The following PRDM1 variants were observed in gnomAD, a reference collection of about 807,000 sequenced individuals.
The protein encoded by PRDM1 is PR/SET domain 1.
In PRDM1, 13 loss-of-function variants were observed where a neutral mutation model predicts 62.8. The ratio of observed to expected loss-of-function variants is 0.21; its 90% CI spans 0.13 to 0.33. The LOEUF (loss-of-function observed/expected upper bound fraction) is 0.33. PRDM1 is among the 10% of genes least tolerant of loss of function. The pLI is 1.00. For missense variants in PRDM1, 895 were observed against 1,058.8 expected, an observed-to-expected ratio of 0.85 and a Z score of 2.15; for synonymous variants, 396 against 417.6, an observed-to-expected ratio of 0.95 and a Z score of 0.63.
intron 1 of PRDM1, among the ~76,000 whole-genome samples, chr6:106,058,895 T>G (rs1773303927): frequency 6.6e-6 from 1 of 152,196 alleles, no homozygotes; most frequent in Non-Finnish European, 1.5e-5. Flanking sequence ...TAACTTCATC[T>G]TCATAATGTC....
chr6:106,063,764 C>T (rs2114594910), intron 1 of PRDM1, among the ~76,000 whole-genome samples: 1 of 152,282 alleles, frequency 6.6e-6, no homozygotes. Flanking sequence ...AGAAATGTGT[C>T]AAGAAGCTTT....
chr6:106,008,233 C>T (rs914436401), intron 1 of PRDM1, among the ~76,000 whole-genome samples: 1 of 152,066 alleles, frequency 6.6e-6, no homozygotes, highest in South Asian at 2.1e-4. Context: ...ATTAGCTGGG[C>T]GTGGTGGCGC....
At chr6:106,065,125 C>A (rs954083933) in intron 1 of PRDM1, among the ~76,000 whole-genome samples, 11 of 151,944 alleles carry the variant, frequency 7.2e-5, no homozygotes, top group Admixed American at 2.0e-4. Context: ...TTTTGTTGAT[C>A]TTATGTATTT....
intron 1 of PRDM1, among the ~76,000 whole-genome samples, chr6:106,024,048 A>G (rs1772733021): frequency 6.6e-6 from 1 of 152,088 alleles, no homozygotes; most frequent in South Asian, 2.1e-4. Context: ...AGGCTGAGGT[A>G]GGAGGATTGC....
At chr6:106,085,729 AAAAC>A (rs1373845782), upstream of PRDM1, among the ~76,000 whole-genome samples, 10 of 152,180 alleles carry the variant, frequency 6.6e-5, no homozygotes, top group East Asian at 5.8e-4. Context: ...AGAGGAAAGG[AAAAC>A]AAACAATCTG....
At chr6:106,042,764 C>A (rs144965093) in intron 1 of PRDM1, among the ~76,000 whole-genome samples, 2 of 152,250 alleles carry the variant, frequency 1.3e-5, no homozygotes, top group Non-Finnish European at 2.9e-5. Flanking sequence ...TCACGGAGTT[C>A]TTCCCGATTT....
At chr6:105,996,653 C>T (rs979319635) in intron 1 of PRDM1, among the ~76,000 whole-genome samples, 2 of 152,160 alleles carry the variant, frequency 1.3e-5, no homozygotes, top group African/African-American at 4.8e-5. Context: ...AGCCTCTGTG[C>T]AAATAACCTG....
chr6:106,062,497 G>C (rs1773359382), intron 1 of PRDM1, among the ~76,000 whole-genome samples: 1 of 152,194 alleles, frequency 6.6e-6, no homozygotes, highest in African/African-American at 2.4e-5. Flanking sequence ...TGGGAATGTG[G>C]AGGAAGCTGG....
chr6:105,996,941 A>G (rs1432913288), intron 1 of PRDM1, among the ~76,000 whole-genome samples: 1 of 152,256 alleles, frequency 6.6e-6, no homozygotes, highest in Non-Finnish European at 1.5e-5. Flanking sequence ...AAGAAAACAA[A>G]GGCTGGACTT....
chr6:106,063,810 G>A (rs185001904), intron 1 of PRDM1, among the ~76,000 whole-genome samples: 1 of 152,272 alleles, frequency 6.6e-6, no homozygotes, highest in East Asian at 1.9e-4. Context: ...CCTTGTATGC[G>A]AGTCTTATTT....
chr6:106,078,869 T>TA (rs566810994), intron 1 of PRDM1, among the ~76,000 whole-genome samples: 19 of 151,994 alleles, frequency 1.3e-4, no homozygotes, highest in African/African-American at 4.6e-4. Flanking sequence ...AGAAATAAAA[T>TA]AAAAAATAAA....
At chr6:106,039,883 A>G (rs749895114) in intron 1 of PRDM1, among the ~76,000 whole-genome samples, 2 of 152,208 alleles carry the variant, frequency 1.3e-5, no homozygotes, top group Non-Finnish European at 2.9e-5. Context: ...TGTTTAGCCT[A>G]TTTCCCGAAT....
chr6:105,994,891 G>A lies in PRDM1; in HGVS notation c.-67+1252G>A, dbSNP rs527703972. ...ACGCGGTCCGACCGGGTCCGGGGACGGCGCGCTTGTCGCGGGAGCCTCCCG... is the reference window on the plus strand; with the variant it reads ...ACGCGGTCCGACCGGGTCCGGGGACAGCGCGCTTGTCGCGGGAGCCTCCCG... On this transcript the variant is annotated intron_variant, in intron 1 of 6. Transcript: ENST00000652320. This position sits in a 1 kb window ranked among gnomAD's most constrained non-coding sequence, Gnocchi z 4.1. 2.5e-4 allele frequency among the ~76,000 whole-genome samples: 38 copies of A among 152,384 alleles called. No homozygotes were observed. The highest frequency in any genetic ancestry group is 9.1e-4 in the African/African-American group (38 of 41,590).
chr6:106,046,966 A>G (rs1319524552), upstream of PRDM1: 1 of 152,248 alleles, frequency 6.6e-6, no homozygotes, highest in Non-Finnish European at 1.5e-5. Flanking sequence ...AAGTTCAGAG[A>G]AGGTCATTGC....
Position 106,107,229 on chromosome 6 carries a change from C to G in PRDM1, c.2221C>G (p.Arg741Gly). Residue 741 changes from arginine (R) to glycine (G), a missense_variant, in exon 7 of 7, where the codon CGG (arginine) becomes GGG (glycine). Coordinates refer to ENST00000369096, the MANE Select transcript of PRDM1 (RefSeq NM_001198.4). ...GTTTGACATCAGTGACAATGCTGAC[C>G]GGCTCGAGGACGTGGAGGATGACAT... is the stretch of plus-strand genomic sequence containing the variant. The part of the protein sequence containing the change: ...EKFDISDNAD[R>G]LEDVEDDISV... The G allele has an allele frequency of 6.2e-7, 1 of 1,614,176 alleles. No homozygotes were observed. The highest frequency in any genetic ancestry group is 8.5e-7 in the Non-Finnish European group (1 of 1,180,044).
upstream of PRDM1, among the ~76,000 whole-genome samples, chr6:106,047,376 A>C (rs79149544): frequency 0.019 from 2,880 of 152,326 alleles, 92 homozygotes; most frequent in African/African-American, 0.067. Context: ...ACACCTTAAA[A>C]ATTGTCTTTA....
chr6:106,012,161 TC>T (rs1772560993), intron 1 of PRDM1, among the ~76,000 whole-genome samples: 1 of 104,068 alleles, frequency 9.6e-6, no homozygotes, highest in African/African-American at 3.8e-5. Flanking sequence ...CCCTCCACAT[TC>T]ACACACACCA....
intron 1 of PRDM1, among the ~76,000 whole-genome samples, chr6:106,035,363 T>C (rs937952383): frequency 2.0e-4 from 31 of 152,332 alleles, no homozygotes; most frequent in African/African-American, 7.0e-4. Context: ...GACTCATGCC[T>C]GTAATCTCAG....
In PRDM1 at chr6:106,108,318, G is replaced by A. The variant is rs925862275; in HGVS notation, c.*832G>A. 1.3e-5 allele frequency: 3 copies of A among 233,238 alleles called. No homozygotes were observed. In the Admixed American group the frequency reaches 1.7e-4, roughly 13 times the overall value. 14.4% of individuals were successfully genotyped at this position (233,238 alleles called of 1,614,324 possible). A position where few individuals can be genotyped will look rare whatever the true frequency, so the allele number is the denominator to read the frequency against. ...TCCAAAAGAGCAGAATCCTCCCACCGCCCTGCCCTCCCCACCGAGTCCTGT... is the reference window on the plus strand; with the variant it reads ...TCCAAAAGAGCAGAATCCTCCCACCACCCTGCCCTCCCCACCGAGTCCTGT... On this transcript the variant is annotated 3_prime_UTR_variant, in exon 7 of 7. Coordinates refer to ENST00000369096, the MANE Select transcript of PRDM1 (RefSeq NM_001198.4).
Sources: allele counts gnomAD v4.1 joint callset (sites outside exome capture counted in the v4.1 genomes callset), GRCh38; gene constraint gnomAD v4.1.1; non-coding constraint Gnocchi (gnomAD v3.1); transcripts MANE v1.5; gene names NCBI Gene and HGNC (gene_info 2026-07-23, HGNC 2026-07-21).